NOX4: variants seen among roughly 807,000 people sequenced by gnomAD.
NOX4 encodes NADPH oxidase 4.
In NOX4, 69 loss-of-function variants were observed where a neutral mutation model predicts 87.6. The observed-to-expected ratio is 0.79, with a 90% confidence interval of 0.65 to 0.96. The LOEUF is 0.96. Ranked by LOEUF, NOX4 falls within the 40% of genes least tolerant of loss-of-function variation. The pLI is 0.00. For synonymous variants in NOX4, 275 were observed against 238.2 expected (o/e 1.15, Z -1.42); for missense variants, 680 against 681.5 (o/e 1.00, Z 0.02).
the NOX4 span, among the ~76,000 whole-genome samples, chr11:89,531,233 G>A: frequency 6.6e-6 from 1 of 151,958 alleles, no homozygotes; most frequent in Admixed American, 6.6e-5. Flanking sequence ...CATAGCTCTG[G>A]GTAGGTCTCT....
At chr11:89,366,329 A>G (rs1304568659) in intron 12 of NOX4, among the ~76,000 whole-genome samples, 6 of 152,108 alleles carry the variant, frequency 3.9e-5, no homozygotes, top group East Asian at 1.9e-4. Context: ...CTTCACCACA[A>G]TAACTCTACT....
chr11:89,449,359 G>A (rs1384356014), intron 4 of NOX4, 81 bp downstream of exon 4: 1 of 1,055,034 alleles, frequency 9.5e-7, no homozygotes, highest in East Asian at 2.6e-5. Context: ...AACTTTCTCT[G>A]ATCATTCTGT....
intron 2 of NOX4, among the ~76,000 whole-genome samples, chr11:89,470,629 G>T (rs1945891596): frequency 6.6e-6 from 1 of 152,062 alleles, no homozygotes; most frequent in South Asian, 2.1e-4. Context: ...CACTTCAGAG[G>T]CTGGGATTGC....
the NOX4 span, among the ~76,000 whole-genome samples, chr11:89,525,775 G>A: frequency 6.6e-6 from 1 of 151,966 alleles, no homozygotes; most frequent in South Asian, 2.1e-4. Context: ...TGTGCTAGAT[G>A]AGCAATATTT....
chr11:89,495,393 C>T (rs528446658), upstream of NOX4, among the ~76,000 whole-genome samples: 11 of 152,224 alleles, frequency 7.2e-5, no homozygotes, highest in South Asian at 2.3e-3. Flanking sequence ...TCGGTGGTCA[C>T]ATTGCCTCCT....
At chr11:89,397,075 A>G (rs1372639552) in intron 11 of NOX4, among the ~76,000 whole-genome samples, 1 of 152,068 alleles carries the variant, frequency 6.6e-6, no homozygotes, top group African/African-American at 2.4e-5. Flanking sequence ...GAAGTAAAGC[A>G]CTCCTCAGGA....
chr11:89,515,606 T>A, the NOX4 span, among the ~76,000 whole-genome samples: 1 of 151,880 alleles, frequency 6.6e-6, no homozygotes, highest in African/African-American at 2.4e-5. Flanking sequence ...ATAGTTATGT[T>A]TCTCTGTTCT....
intron 17 of NOX4, among the ~76,000 whole-genome samples, chr11:89,331,169 A>C (rs1408926686): frequency 1.3e-5 from 2 of 152,014 alleles, no homozygotes; most frequent in Admixed American, 1.3e-4. Flanking sequence ...ATTGAACTAG[A>C]AATTAAGAAC....
chr11:89,407,841 C>T (rs1451662810), intron 8 of NOX4, among the ~76,000 whole-genome samples: 1 of 152,010 alleles, frequency 6.6e-6, no homozygotes, highest in Non-Finnish European at 1.5e-5. Context: ...ATCATCCCTA[C>T]TTTAATTTCA....
At chr11:89,347,943 G>T (rs1018866810) in intron 13 of NOX4, among the ~76,000 whole-genome samples, 19 of 152,076 alleles carry the variant, frequency 1.2e-4, no homozygotes, top group African/African-American at 4.3e-4. Context: ...TCCTTTCATG[G>T]GTCTTCATTG....
At chr11:89,421,874 T>G in intron 8 of NOX4, 28 bp downstream of exon 8, 1 of 1,433,186 alleles carries the variant, frequency 7.0e-7, no homozygotes, top group Non-Finnish European at 9.5e-7. Context: ...GCACAAATGG[T>G]TTTAAATACA....
the NOX4 span, among the ~76,000 whole-genome samples, chr11:89,518,388 G>A: frequency 6.6e-6 from 1 of 151,470 alleles, no homozygotes; most frequent in East Asian, 1.9e-4. Flanking sequence ...GGGGGACAAA[G>A]ATGCTACTTG....
At chr11:89,520,568 T>A in the NOX4 span, among the ~76,000 whole-genome samples, 1 of 152,092 alleles carries the variant, frequency 6.6e-6, no homozygotes, top group Admixed American at 6.6e-5. Context: ...GAGCCATTTA[T>A]GACAAACCAA....
In NOX4 at chr11:89,451,808, C is replaced by G; in HGVS notation, c.241G>C (p.Ala81Pro). The G allele has an allele frequency of 6.2e-7, 1 of 1,612,806 alleles. No homozygotes were observed. Among genetic ancestry groups the G allele is most frequent in the African/African-American group, 1.3e-5 (1 of 74,938 alleles). The change falls in exon 3 of 18, where the codon GCT becomes CCT. Residue 81 changes from alanine (A) to proline (P), a missense_variant. By Grantham distance (27) the Ala-to-Pro change is conservative. Transcript: ENST00000263317. ...ACCTTCTGTGATCCTCGGAGGTAAG[C>G]CAAGAGTGTTCGGCACATGGGTAAA... ...ILLPMCRTLL[A>P]YLRGSQKVPS...
intron 8 of NOX4, among the ~76,000 whole-genome samples, chr11:89,412,276 A>G (rs1246360830): frequency 6.6e-6 from 1 of 152,202 alleles, no homozygotes; most frequent in Admixed American, 6.5e-5. Flanking sequence ...CAGAAAATCA[A>G]GAAATAAACA....
intron 11 of NOX4, among the ~76,000 whole-genome samples, chr11:89,375,715 G>C (rs189404739): frequency 7.2e-5 from 11 of 152,248 alleles, no homozygotes; most frequent in Admixed American, 2.6e-4. Context: ...ATATACTACT[G>C]AAGGCTGACC....
At chr11:89,432,122 G>A (rs1046860587) in intron 7 of NOX4, among the ~76,000 whole-genome samples, 5 of 151,884 alleles carry the variant, frequency 3.3e-5, no homozygotes, top group African/African-American at 1.2e-4. Flanking sequence ...TACACCACAT[G>A]TTCTCACTCA....
At chr11:89,377,929 A>C (rs1267200516) in intron 11 of NOX4, among the ~76,000 whole-genome samples, 3 of 152,152 alleles carry the variant, frequency 2.0e-5, no homozygotes, top group Admixed American at 2.0e-4. Flanking sequence ...CTATTATCCT[A>C]TTAATACTTC....
chr11:89,515,551 TAA>T, the NOX4 span, among the ~76,000 whole-genome samples: 2 of 151,798 alleles, frequency 1.3e-5, no homozygotes, highest in African/African-American at 4.8e-5. Context: ...GATGTCTTTT[TAA>T]AAGAGTGTAA....
Sources: gnomAD v4.1 joint callset for allele counts (sites outside exome capture counted in the v4.1 genomes callset) on GRCh38, gnomAD v4.1.1 for gene constraint, MANE v1.5 for transcripts, NCBI Gene and HGNC (gene_info 2026-07-23, HGNC 2026-07-21) for gene names.